Variants in MAPK8IP3 observed in about 807,000 individuals in gnomAD.
MAPK8IP3 encodes mitogen-activated protein kinase 8 interacting protein 3.
Under a neutral mutation model 157.8 loss-of-function variants are expected in MAPK8IP3, and 49 were observed. The observed-to-expected ratio is 0.31, with a 90% confidence interval of 0.25 to 0.39. The LOEUF (loss-of-function observed/expected upper bound fraction) is 0.39. Ranked by LOEUF, MAPK8IP3 falls within the 10% of genes least tolerant of loss-of-function variation. The probability of loss-of-function intolerance (pLI) is 1.00; values close to 1 mark genes in which losing one functional copy is unlikely to be tolerated. For synonymous variants in MAPK8IP3, 897 were observed against 777.7 expected, an observed-to-expected ratio of 1.15 and a Z score of -2.55; for missense variants, 1,478 against 1,889.4, an observed-to-expected ratio of 0.78 and a Z score of 4.04.
chr16:1,768,176 G>T (rs778213988), intron 29 of MAPK8IP3, 23 bp from the exon 30 acceptor site: 1 of 1,611,850 alleles, frequency 6.2e-7, no homozygotes, highest in Non-Finnish European at 8.5e-7. Flanking sequence ...CGGGCTCAGC[G>T]CCTCTGGGTT....
chr16:1,736,716 G>A (rs1372672501), intron 4 of MAPK8IP3, among the ~76,000 whole-genome samples: 4 of 75,554 alleles, frequency 5.3e-5, no homozygotes, highest in East Asian at 3.8e-4. Flanking sequence ...CCGTGTGAGC[G>A]TGTGACCGTC....
intron 8 of MAPK8IP3, among the ~76,000 whole-genome samples, chr16:1,753,745 G>A (rs919908016): frequency 3.3e-5 from 5 of 150,430 alleles, no homozygotes; most frequent in South Asian, 2.1e-4. Context: ...CCAGCCCCAC[G>A]TACCATTATT....
chr16:1,756,939 A>C (rs894634991), intron 8 of MAPK8IP3, among the ~76,000 whole-genome samples: 6 of 152,114 alleles, frequency 3.9e-5, no homozygotes, highest in Non-Finnish European at 7.4e-5. Context: ...TTGTTCTTTG[A>C]AACCTGTTGC....
chr16:1,760,529 A>G lies in MAPK8IP3; in HGVS notation c.1454A>G (p.Lys485Arg), dbSNP rs1384368826. Residue 485 changes from lysine to arginine, a missense_variant, in exon 12 of 32, where the codon AAA becomes AGA. Physicochemically the swap from Lys to Arg is conservative, Grantham distance 26. Transcript: ENST00000610761. ...ATCAAGGAGCTGGAAGAGGAACTGAAAAGGTGAGGGCAGGGCATGGAAAGC... is the reference window on the plus strand; with the variant it reads ...ATCAAGGAGCTGGAAGAGGAACTGAGAAGGTGAGGGCAGGGCATGGAAAGC... ...NRIKELEEEL[K>R]RVKSEAIIAR... is the part of the protein sequence containing the mutation. The G allele has an allele frequency of 6.2e-7, 1 of 1,612,352 alleles. No individual in the cohort carries two copies. Among genetic ancestry groups the G allele is most frequent in the Admixed American group, 1.7e-5 (1 of 59,944 alleles).
At position 1,759,019 on chromosome 16, in the gene MAPK8IP3, C is replaced by T. The variant is rs148012515; in HGVS notation, c.1246+24C>T. ...TGGTAAGGCTGAGGCCCCGTTCCAGCGTGCGTCGCTCCTCCACCCCGACAT... is the reference window on the plus strand; with the variant it reads ...TGGTAAGGCTGAGGCCCCGTTCCAGTGTGCGTCGCTCCTCCACCCCGACAT... On this transcript the variant is annotated intron_variant, in intron 10 of 31. Coordinates refer to ENST00000610761, the MANE Select transcript of MAPK8IP3 (RefSeq NM_001318852.2). 4.4e-4 allele frequency: 704 copies of T among 1,613,918 alleles called. 5 individuals are homozygous for T. The African/African-American group carries it at 7.8e-3, about 18-fold the overall frequency.
chr16:1,757,102 A>G (rs2041647554), intron 8 of MAPK8IP3, among the ~76,000 whole-genome samples: 1 of 152,082 alleles, frequency 6.6e-6, no homozygotes, highest in Non-Finnish European at 1.5e-5. Flanking sequence ...CATCTAAATC[A>G]AGTGACATTT....
rs371737925 is a variant in MAPK8IP3, at chr16:1,724,508, C to T, written c.319-49C>T. 5.6e-6 allele frequency: 9 copies of T among 1,596,918 alleles called. No homozygotes were observed. The African/African-American group carries it at 9.4e-5, about 17-fold the overall frequency. ...CGGCCCTTCAAGTGAAAGGCGGCTG[C>T]TCCACACTCACTCCTGATGACTGCT... On this transcript the variant is annotated intron_variant, in intron 1 of 31. Transcript: ENST00000610761. This position sits in a 1 kb window ranked among gnomAD's most constrained non-coding sequence, Gnocchi z 4.1.
At chr16:1,721,938 T>G (rs963077721) in intron 1 of MAPK8IP3, among the ~76,000 whole-genome samples, 1 of 151,670 alleles carries the variant, frequency 6.6e-6, no homozygotes, top group Admixed American at 6.6e-5. Flanking sequence ...CCCAGCTAAT[T>G]TTTTTTATTT....
intron 4 of MAPK8IP3, chr16:1,735,020 C>CTTGAGACA (rs2039574028): frequency 6.5e-6 from 1 of 154,446 alleles, no homozygotes; most frequent in Non-Finnish European, 1.5e-5. Flanking sequence ...CAGGCGCTGT[C>CTTGAGACA]TTGAGACATT....
At chr16:1,749,688 G>A (rs897223909) in intron 8 of MAPK8IP3, among the ~76,000 whole-genome samples, 5 of 152,234 alleles carry the variant, frequency 3.3e-5, no homozygotes, top group Non-Finnish European at 5.9e-5. Flanking sequence ...CCTTGCACGC[G>A]TCAGGGTCCG....
chr16:1,738,743 ATC>A (rs565507242), intron 4 of MAPK8IP3, among the ~76,000 whole-genome samples: 18 of 110,416 alleles, frequency 1.6e-4, no homozygotes, highest in Admixed American at 7.1e-4. Context: ...CCATGTGAGC[ATC>A]TGTGACCGTC....
Position 1,766,225 on chromosome 16 carries a change from G to A in MAPK8IP3, c.2635G>A (p.Val879Met). The A allele has an allele frequency of 1.9e-6, 3 of 1,609,314 alleles. No homozygotes were observed. Among genetic ancestry groups the A allele is most frequent in the Non-Finnish European group, 2.5e-6 (3 of 1,177,948 alleles). ...GCTCACCTCTCCTAACACAGGGGAG[G>A]TGGCCACCATCGCCAACGGGAAGGT... ...TPVLDKGQGEVATIANGKVNP... is the reference protein window; with the variant it reads ...TPVLDKGQGEMATIANGKVNP... The change falls in exon 22 of 32, where the codon GTG (valine) becomes ATG (methionine). Residue 879 changes from valine (V) to methionine (M), a missense_variant. Val to Met is a conservative substitution (Grantham distance 21, BLOSUM62 1). Around this residue, in one of 11 missense-constraint regions of MAPK8IP3, gnomAD observed 669 missense variants for 759.8 expected, o/e 0.88. Coordinates refer to ENST00000610761, the MANE Select transcript of MAPK8IP3 (RefSeq NM_001318852.2).
intron 4 of MAPK8IP3, among the ~76,000 whole-genome samples, chr16:1,736,090 C>G (rs1342340763): frequency 9.3e-6 from 1 of 107,022 alleles, no homozygotes; most frequent in Non-Finnish European, 1.8e-5. Context: ...GAGAGTGTGA[C>G]CGTCCATGTG....
chr16:1,724,493 A>C lies in MAPK8IP3; in HGVS notation c.319-64A>C. ...GGCCCTCAAAGCCTGCGGCCCTTCA[A>C]GTGAAAGGCGGCTGCTCCACACTCA... On this transcript the variant is annotated intron_variant, in intron 1 of 31. Coordinates refer to ENST00000610761, the MANE Select transcript of MAPK8IP3 (RefSeq NM_001318852.2). The surrounding 1 kb of genome is among the most constrained non-coding windows in gnomAD (Gnocchi z 4.1). 6.3e-7 allele frequency: 1 copy of C among 1,575,612 alleles called. No individual in the cohort carries two copies. Among genetic ancestry groups the C allele is most frequent in the South Asian group, 1.1e-5 (1 of 89,288 alleles).
In MAPK8IP3 at chr16:1,762,998, C is replaced by T; in HGVS notation, c.1890C>T (p.Phe630=). The T allele has an allele frequency of 6.2e-7, 1 of 1,612,816 alleles. No individual in the cohort carries two copies. Among genetic ancestry groups the T allele is most frequent in the Non-Finnish European group, 8.5e-7 (1 of 1,179,948 alleles). ...CAGGCAGCCGGCCCCTGGAATTCTT[C>T]CCTGACGAGTGAGTGTCCCGCAGCC... ...ISAGSRPLEF[F]PDDDCTSSAR... The change falls in exon 16 of 32, where the codon TTC becomes TTT. Residue 630 remains phenylalanine, a synonymous_variant. Transcript: ENST00000610761.
At chr16:1,736,366 G>A (rs1475955969) in intron 4 of MAPK8IP3, among the ~76,000 whole-genome samples, 2 of 87,754 alleles carry the variant, frequency 2.3e-5, no homozygotes, top group East Asian at 3.1e-4. Context: ...GTGTGTGACC[G>A]TCCGTGTGAG....
chr16:1,738,827 G>A (rs868292903), intron 4 of MAPK8IP3, among the ~76,000 whole-genome samples: 141 of 136,684 alleles, frequency 1.0e-3, no homozygotes, highest in African/African-American at 3.0e-3. Flanking sequence ...CTGTGTGACC[G>A]TCCGTGTGAG....
At chr16:1,734,442 G>A (rs912825276) in intron 4 of MAPK8IP3, among the ~76,000 whole-genome samples, 9 of 152,354 alleles carry the variant, frequency 5.9e-5, no homozygotes, top group East Asian at 1.9e-4. Context: ...TCCCCAGGCC[G>A]AGACCCTGGC....
rs1440583308 is a variant in MAPK8IP3, at chr16:1,768,069, C to T, written c.3524C>T (p.Thr1175Ile). ...GVVISIPLTE[T>I]VVLHRGQLLG... is the part of the protein sequence containing the mutation. ...TCCCATGCTCCTCCCATGTCCCCAG[C>T]TGTGGTCCTGCACCGAGGCCAGCTC... is the stretch of plus-strand genomic sequence containing the variant. Residue 1175 changes from threonine (T) to isoleucine (I), a missense_variant and splice_region_variant, in exon 29 of 32, where the codon ACT becomes ATT. By Grantham distance (89) the Thr-to-Ile change is moderately conservative. Transcript: ENST00000610761. 1 of 1,612,332 alleles carries T rather than the reference C, an allele frequency of 6.2e-7. No individual in the cohort carries two copies. Among genetic ancestry groups the T allele is most frequent in the African/African-American group, 1.3e-5 (1 of 74,926 alleles).
Sources: gnomAD v4.1 joint callset for allele counts (sites outside exome capture counted in the v4.1 genomes callset) on GRCh38, gnomAD v4.1.1 for gene constraint, gnomAD v4.1.1 regional missense constraint, Gnocchi (gnomAD v3.1) non-coding constraint, MANE v1.5 for transcripts, NCBI Gene and HGNC (gene_info 2026-07-23, HGNC 2026-07-21) for gene names.